MEGF11: variants seen among roughly 807,000 people sequenced by gnomAD.
The protein encoded by MEGF11 is multiple EGF like domains 11, also known as multiple epidermal growth factor-like domains protein 11.
In MEGF11, 126 loss-of-function variants were observed where a neutral mutation model predicts 146.6. That is an observed-to-expected ratio of 0.86 (90% CI 0.74 to 1.00). The LOEUF (loss-of-function observed/expected upper bound fraction) is 1.00, where lower values mean the gene tolerates loss of function less well. Among genes scored for constraint, MEGF11 ranks in the 50% least tolerant of loss-of-function variants. MEGF11 has a pLI of 0.00. For missense variants in MEGF11, 1,509 were observed against 1,521.2 expected (o/e 0.99, Z 0.13); for synonymous variants, 532 against 583.4 (o/e 0.91, Z 1.27).
chr15:66,099,204 C>CTTT (rs10683767), intron 4 of MEGF11, among the ~76,000 whole-genome samples: 34,115 of 105,330 alleles, frequency 0.32, 5,266 homozygotes, highest in East Asian at 0.6. Context: ...CCTCCTTTTT[C>CTTT]TTTTTTTTTT....
chr15:66,112,864 A>G (rs988762069), intron 4 of MEGF11, among the ~76,000 whole-genome samples: 1 of 152,214 alleles, frequency 6.6e-6, no homozygotes, highest in Non-Finnish European at 1.5e-5. Flanking sequence ...CAAATAAAGC[A>G]TAGGAGCATT....
At chr15:66,205,493 G>C (rs1448657116) in intron 1 of MEGF11, among the ~76,000 whole-genome samples, 1 of 152,140 alleles carries the variant, frequency 6.6e-6, no homozygotes, top group Non-Finnish European at 1.5e-5. Context: ...CACCAACTGT[G>C]GGCCCACAAG....
intron 1 of MEGF11, among the ~76,000 whole-genome samples, chr15:66,196,611 T>C (rs1359167035): frequency 6.6e-6 from 1 of 152,180 alleles, no homozygotes; most frequent in Non-Finnish European, 1.5e-5. Context: ...CCTATTTAGG[T>C]GCAGACAGGT....
chr15:65,936,351 G>A (rs2079787857), intron 10 of MEGF11, among the ~76,000 whole-genome samples: 1 of 152,216 alleles, frequency 6.6e-6, no homozygotes, highest in Admixed American at 6.5e-5. Context: ...TTGCATTCAT[G>A]TCTAGATTCT....
At chr15:66,212,767 C>T (rs546050780) in intron 1 of MEGF11, among the ~76,000 whole-genome samples, 1 of 136,828 alleles carries the variant, frequency 7.3e-6, no homozygotes, top group Admixed American at 7.6e-5. Flanking sequence ...ACAGAGTCCC[C>T]ACTGCCAGGG....
chr15:65,984,525 CAAAAAAAAAA>C (rs35017296), intron 5 of MEGF11, among the ~76,000 whole-genome samples: 3 of 49,520 alleles, frequency 6.1e-5, no homozygotes, highest in African/African-American at 2.6e-4. Flanking sequence ...GACTCCGTGT[CAAAAAAAAAA>C]AAAAAAAAAA....
intron 5 of MEGF11, among the ~76,000 whole-genome samples, chr15:66,009,733 C>G (rs1417731389): frequency 6.6e-6 from 1 of 152,046 alleles, no homozygotes; most frequent in East Asian, 1.9e-4. Context: ...GCTGGGACTA[C>G]AGACACATGC....
Position 65,980,787 on chromosome 15 carries a change from TG to T in MEGF11, c.752del (p.Pro251GlnfsTer36), listed in dbSNP as rs1281835680. 1 of 1,604,746 alleles carries T rather than the reference TG, an allele frequency of 6.2e-7. No homozygotes were observed. The highest frequency in any genetic ancestry group is 8.5e-7 in the Non-Finnish European group (1 of 1,175,872). On this transcript the variant is annotated frameshift_variant, in exon 7 of 26. Transcript: ENST00000395614. LOFTEE classifies it high-confidence loss of function. ...CTTTGGGCCCACTTACCGTCCAGCC[TG>T]GGGGGCAGGCACACTCGCCAGTGAT... ...HHITGECACP[P>X]GWTGAVCAQP...
At chr15:65,945,304 C>T (rs1474388758) in intron 10 of MEGF11, among the ~76,000 whole-genome samples, 1 of 152,162 alleles carries the variant, frequency 6.6e-6, no homozygotes, top group African/African-American at 2.4e-5. Flanking sequence ...TGGAATGTGC[C>T]CTCCATGAAG....
At chr15:66,206,909 A>T (rs1174579325) in intron 1 of MEGF11, among the ~76,000 whole-genome samples, 1 of 152,194 alleles carries the variant, frequency 6.6e-6, no homozygotes, top group East Asian at 1.9e-4. Flanking sequence ...AAATTAAAAA[A>T]TTCAAAAAAT....
chr15:66,132,938 T>C (rs888139399), intron 1 of MEGF11, among the ~76,000 whole-genome samples: 1 of 152,108 alleles, frequency 6.6e-6, no homozygotes, highest in African/African-American at 2.4e-5. Context: ...CCAAGAGCAT[T>C]GCCTGCACAT....
intron 5 of MEGF11, among the ~76,000 whole-genome samples, chr15:66,067,276 TG>T (rs539904173): frequency 5.1e-4 from 77 of 152,342 alleles, no homozygotes; most frequent in African/African-American, 1.8e-3. Context: ...ACGTTACTAC[TG>T]CAGTTATTAT....
At chr15:66,080,381 T>A (rs2085797614) in intron 5 of MEGF11, among the ~76,000 whole-genome samples, 1 of 151,316 alleles carries the variant, frequency 6.6e-6, no homozygotes, top group African/African-American at 2.4e-5. Flanking sequence ...AGCACACACC[T>A]GGCTCCTGCC....
intron 5 of MEGF11, among the ~76,000 whole-genome samples, chr15:66,067,157 G>A (rs545792933): frequency 6.6e-6 from 1 of 152,302 alleles, no homozygotes; most frequent in South Asian, 2.1e-4. Context: ...ATGAATGAAA[G>A]CTATTACTTA....
intron 5 of MEGF11, among the ~76,000 whole-genome samples, chr15:66,059,025 G>A (rs1341845861): frequency 1.3e-5 from 2 of 152,110 alleles, no homozygotes; most frequent in Non-Finnish European, 2.9e-5. Flanking sequence ...TAGGAGTCTG[G>A]GGGTGAGTAG....
At chr15:66,238,790 A>C in intron 1 of MEGF11, among the ~76,000 whole-genome samples, 1 of 151,874 alleles carries the variant, frequency 6.6e-6, no homozygotes, top group African/African-American at 2.4e-5. Flanking sequence ...CTCTTTTTTA[A>C]ACTGCAACCC....
At chr15:66,100,166 C>A (rs1258510262) in intron 4 of MEGF11, among the ~76,000 whole-genome samples, 1 of 152,240 alleles carries the variant, frequency 6.6e-6, no homozygotes, top group Non-Finnish European at 1.5e-5. Context: ...CATGTGCATT[C>A]ACTCTACCAG....
intron 8 of MEGF11, among the ~76,000 whole-genome samples, 164 bp downstream of exon 8, chr15:65,970,389 G>A (rs1428900236): frequency 3.9e-5 from 6 of 152,224 alleles, no homozygotes; most frequent in African/African-American, 1.4e-4. Context: ...GGCCGAGGGT[G>A]AGGAGGGATC....
chr15:66,001,887 A>G (rs981678841), intron 5 of MEGF11, among the ~76,000 whole-genome samples: 3 of 152,128 alleles, frequency 2.0e-5, no homozygotes, highest in Non-Finnish European at 4.4e-5. Context: ...GAGCAGAATA[A>G]ACTCAGGTGC....
Sources: allele counts gnomAD v4.1 joint callset (sites outside exome capture counted in the v4.1 genomes callset), GRCh38; gene constraint gnomAD v4.1.1; transcripts MANE v1.5; gene names NCBI Gene and HGNC (gene_info 2026-07-23, HGNC 2026-07-21).